Variants in TAF3 observed in about 807,000 individuals in gnomAD.
The protein encoded by TAF3 is transcription initiation factor TFIID subunit 3.
A neutral mutation model predicts 80.6 loss-of-function variants in TAF3; 7 were observed. That is an observed-to-expected ratio of 0.09 (90% confidence interval 0.05 to 0.16). The LOEUF is 0.16. Among genes scored for constraint, TAF3 ranks in the 10% least tolerant of loss-of-function variants. The pLI is 1.00. For missense variants in TAF3, 921 were observed against 1,140.2 expected (o/e 0.81, Z 2.77); for synonymous variants, 444 against 446.1 (o/e 1.00, Z 0.06).
In TAF3 at chr10:7,961,936, A is replaced by G. The variant is rs60379606; in HGVS notation, c.410-1984A>G. On this transcript the variant is annotated intron_variant, in intron 2 of 6. Transcript: ENST00000344293. Reference sequence around the variant, plus strand: ...GCAATCATGGCTCATTGCAGCCTCAACCTTCTGGGCTCAGGTGACCCTTGC... The same window carrying G: ...GCAATCATGGCTCATTGCAGCCTCAGCCTTCTGGGCTCAGGTGACCCTTGC... Among the ~76,000 whole-genome samples the G allele has an allele frequency of 1.9e-3, 295 of 152,132 alleles. 2 individuals carry two copies. Among genetic ancestry groups the G allele is most frequent in the African/African-American group, 6.7e-3 (278 of 41,492 alleles).
Position 7,863,626 on chromosome 10 carries a change from A to ATATATATAT in TAF3, c.409+39066_409+39067insTATATATAT, listed in dbSNP as rs1554778359. 4.4e-4 allele frequency among the ~76,000 whole-genome samples: 21 copies of ATATATATAT among 48,096 alleles called. 2 individuals carry two copies. The highest frequency in any genetic ancestry group is 0.038 in the Middle Eastern group (2 of 52). The allele number at this position is 48,096 out of a possible 152,430, so 31.6% of individuals were successfully genotyped here. Reference sequence around the variant, plus strand: ...CTCTGTCTAAAAAAAAAAAAAAAAAAATATATATATATATATATATACACA... The same window carrying ATATATATAT: ...CTCTGTCTAAAAAAAAAAAAAAAAAATATATATATATATATATATATATATATATACACA... On this transcript the variant is annotated intron_variant, in intron 2 of 6. Transcript: ENST00000344293.
chr10:7,855,011 G>A (rs947255484), intron 2 of TAF3, among the ~76,000 whole-genome samples: 11 of 152,204 alleles, frequency 7.2e-5, no homozygotes, highest in Admixed American at 1.3e-4. Flanking sequence ...GTTTTAAGGT[G>A]TTGTTGTAGT....
chr10:7,896,325 T>A (rs1445877417), intron 2 of TAF3, among the ~76,000 whole-genome samples: 2 of 152,228 alleles, frequency 1.3e-5, no homozygotes, highest in African/African-American at 4.8e-5. Flanking sequence ...ACCGTTTTCA[T>A]TCTGGGGATG....
chr10:7,998,677 A>G (rs1831913759), intron 4 of TAF3, among the ~76,000 whole-genome samples: 1 of 152,028 alleles, frequency 6.6e-6, no homozygotes, highest in African/African-American at 2.4e-5. Flanking sequence ...CGTCTCTACT[A>G]AAAATACAGA....
intron 2 of TAF3, among the ~76,000 whole-genome samples, chr10:7,955,064 A>G (rs1838122579): frequency 6.6e-6 from 1 of 152,264 alleles, no homozygotes; most frequent in African/African-American, 2.4e-5. Flanking sequence ...AGTGCACTCC[A>G]TATGTGAATG....
chr10:7,834,660 T>C (rs11255395), intron 2 of TAF3, among the ~76,000 whole-genome samples: 16 of 152,180 alleles, frequency 1.1e-4, no homozygotes, highest in Non-Finnish European at 2.1e-4. Context: ...GTTACATCCA[T>C]AAATACTGTC....
intron 2 of TAF3, among the ~76,000 whole-genome samples, chr10:7,881,105 G>A (rs1434063710): frequency 2.6e-5 from 4 of 151,970 alleles, no homozygotes; most frequent in Non-Finnish European, 5.9e-5. Flanking sequence ...GTGTGGTGGT[G>A]CATATCTGTA....
intron 4 of TAF3, among the ~76,000 whole-genome samples, chr10:7,984,280 G>A (rs1164364434): frequency 6.6e-6 from 1 of 152,018 alleles, no homozygotes; most frequent in Non-Finnish European, 1.5e-5. Flanking sequence ...GATGCAATAT[G>A]TTTACTAGAA....
At chr10:7,876,839 T>C (rs962972370) in intron 2 of TAF3, among the ~76,000 whole-genome samples, 6 of 152,192 alleles carry the variant, frequency 3.9e-5, no homozygotes, top group African/African-American at 1.2e-4. Flanking sequence ...GTTGAAACTT[T>C]GGGAAGTGCA....
At chr10:7,944,342 G>A (rs886848000) in intron 2 of TAF3, among the ~76,000 whole-genome samples, 1 of 152,082 alleles carries the variant, frequency 6.6e-6, no homozygotes, top group East Asian at 1.9e-4. Context: ...TTTGACTCTT[G>A]TAAGACATAA....
intron 2 of TAF3, among the ~76,000 whole-genome samples, chr10:7,929,247 A>AT (rs981258879): frequency 5.7e-5 from 7 of 123,410 alleles, no homozygotes; most frequent in Admixed American, 1.0e-4. Context: ...GAAGTAGTTT[A>AT]TTTTTTTTGT....
At chr10:7,936,071 G>C (rs1246898710) in intron 2 of TAF3, among the ~76,000 whole-genome samples, 2 of 152,136 alleles carry the variant, frequency 1.3e-5, no homozygotes, top group Non-Finnish European at 2.9e-5. Flanking sequence ...TAGTGTGATT[G>C]TATCGTAAAA....
intron 2 of TAF3, among the ~76,000 whole-genome samples, chr10:7,932,953 T>TA (rs1348855520): frequency 6.6e-6 from 1 of 152,150 alleles, no homozygotes; most frequent in Non-Finnish European, 1.5e-5. Flanking sequence ...GTGCTAGGGT[T>TA]ACAGGCGTGA....
At chr10:7,997,574 C>A (rs1831901698) in intron 4 of TAF3, among the ~76,000 whole-genome samples, 1 of 152,142 alleles carries the variant, frequency 6.6e-6, no homozygotes, top group Admixed American at 6.5e-5. Flanking sequence ...GTAAAGAAAT[C>A]CTGCTGAAAA....
intron 2 of TAF3, among the ~76,000 whole-genome samples, chr10:7,876,963 CT>C (rs751870831): frequency 2.8e-4 from 42 of 151,380 alleles, no homozygotes; most frequent in Admixed American, 7.9e-4. Flanking sequence ...AACTGTCATC[CT>C]GATTTTCAGA....
At chr10:7,903,036 C>T (rs777368926) in intron 2 of TAF3, among the ~76,000 whole-genome samples, 4 of 151,992 alleles carry the variant, frequency 2.6e-5, no homozygotes, top group Non-Finnish European at 5.9e-5. Flanking sequence ...GCCTGGACAA[C>T]ATAGTAGGAC....
intron 2 of TAF3, among the ~76,000 whole-genome samples, chr10:7,928,013 T>C (rs762473375): frequency 6.6e-6 from 1 of 152,156 alleles, no homozygotes; most frequent in African/African-American, 2.4e-5. Flanking sequence ...GAAGAATTAT[T>C]TGTTTTACGG....
At chr10:7,851,280 C>T (rs1837024199) in intron 2 of TAF3, among the ~76,000 whole-genome samples, 1 of 152,138 alleles carries the variant, frequency 6.6e-6, no homozygotes, top group African/African-American at 2.4e-5. Flanking sequence ...GGGGAGTGAG[C>T]ACTTCAAGCA....
intron 1 of TAF3, among the ~76,000 whole-genome samples, chr10:7,821,276 T>C (rs1021872732): frequency 6.6e-6 from 1 of 152,226 alleles, no homozygotes; most frequent in Non-Finnish European, 1.5e-5. Context: ...GATTCTTTTT[T>C]CTATACCAGC....
Sources: allele counts gnomAD v4.1 joint callset (sites outside exome capture counted in the v4.1 genomes callset), GRCh38; gene constraint gnomAD v4.1.1; transcripts MANE v1.5; gene names NCBI Gene and HGNC (gene_info 2026-07-23, HGNC 2026-07-21).